TLR6: variants seen among roughly 807,000 people sequenced by gnomAD.
TLR6 encodes toll-like receptor 6.
TLR6 carries 9 observed loss-of-function variants against 16.1 expected under a neutral mutation model. The ratio of observed to expected loss-of-function variants is 0.56; its 90% CI spans 0.34 to 0.98. The LOEUF (loss-of-function observed/expected upper bound fraction) is 0.98. Ranked by LOEUF, TLR6 falls within the 50% of genes least tolerant of loss-of-function variation. The probability of loss-of-function intolerance (pLI) is 0.02; values close to 1 mark genes in which losing one functional copy is unlikely to be tolerated. For missense variants in TLR6, 786 were observed against 921.0 expected, an observed-to-expected ratio of 0.85 and a Z score of 1.90; for synonymous variants, 340 against 338.6, an observed-to-expected ratio of 1.00 and a Z score of -0.04.
At chr4:38,823,931 G>A (rs12650224) in exon 2 of TLR6, 19,501 of 152,344 alleles carry the variant, frequency 0.13, 2,331 homozygotes, top group African/African-American at 0.29. Flanking sequence ...ACCTGGAGCC[G>A]GGTCGCCCCA....
exon 2 of TLR6, chr4:38,828,435 G>A (rs1252142140): frequency 5.6e-6 from 9 of 1,614,064 alleles, no homozygotes; most frequent in Non-Finnish European, 7.6e-6. Flanking sequence ...TGAGGACACA[G>A]CATGTGTATA....
intron 1 of TLR6, among the ~76,000 whole-genome samples, chr4:38,834,010 T>C (rs1489498491): frequency 1.3e-5 from 2 of 151,322 alleles, no homozygotes; most frequent in African/African-American, 2.4e-5. Flanking sequence ...GTGGATCTCC[T>C]GAGGTCAGGA....
chr4:38,831,293 CA>C (rs59585432), intron 1 of TLR6, among the ~76,000 whole-genome samples: 173 of 140,408 alleles, frequency 1.2e-3, no homozygotes, highest in Middle Eastern at 3.6e-3. Flanking sequence ...CCTCCACATG[CA>C]AAAAAAAAAA....
chr4:38,832,747 T>A (rs1711676432), intron 1 of TLR6, among the ~76,000 whole-genome samples: 1 of 151,978 alleles, frequency 6.6e-6, no homozygotes, highest in South Asian at 2.1e-4. Flanking sequence ...AGATCAGCAG[T>A]GCAGCTAGGT....
chr4:38,860,681 C>A (rs765693769), upstream of TLR6, among the ~76,000 whole-genome samples: 6 of 151,984 alleles, frequency 3.9e-5, no homozygotes, highest in Admixed American at 6.6e-5. Context: ...GGGAAATGAG[C>A]AAAGGAGATC....
chr4:38,847,675 C>T (rs924938855), intron 1 of TLR6, among the ~76,000 whole-genome samples: 5 of 152,228 alleles, frequency 3.3e-5, no homozygotes, highest in Non-Finnish European at 5.9e-5. Flanking sequence ...CCCACGGAGC[C>T]TCGCTCATTG....
At chr4:38,833,835 C>T (rs2109425396) in intron 1 of TLR6, among the ~76,000 whole-genome samples, 1 of 151,898 alleles carries the variant, frequency 6.6e-6, no homozygotes, top group Non-Finnish European at 1.5e-5. Context: ...GTCAGAAATT[C>T]AACAAAGAAA....
chr4:38,856,455 C>T (rs7691002), intron 1 of TLR6, among the ~76,000 whole-genome samples: 32,489 of 151,998 alleles, frequency 0.21, 4,199 homozygotes, highest in Non-Finnish European at 0.28. Flanking sequence ...TAGAGAAAGA[C>T]GAAAAGAGAA....
chr4:38,829,497 G>T (rs769382683), exon 2 of TLR6: 2 of 1,469,872 alleles, frequency 1.4e-6, no homozygotes, highest in Non-Finnish European at 9.4e-7. Context: ...CTATCCTAAA[G>T]GGTTGTTCTT....
exon 2 of TLR6, chr4:38,828,373 A>G (rs140686544): frequency 8.7e-5 from 141 of 1,613,110 alleles, no homozygotes; most frequent in Non-Finnish European, 1.2e-4. Flanking sequence ...CAAAAATACT[A>G]TCTGTGAAAA....
rs536351062 is a variant in TLR6, at chr4:38,847,855, G to C, written c.-65+8906C>G. Among the ~76,000 whole-genome samples, 12 of 152,340 alleles carry C rather than the reference G, an allele frequency of 7.9e-5. No homozygotes were observed. The South Asian group carries it at 2.5e-3, about 32-fold the overall frequency. On this transcript the variant is annotated intron_variant, in intron 1 of 1. Coordinates refer to ENST00000436693, the Ensembl canonical transcript of TLR6. Reference sequence around the variant, plus strand: ...CTGCCTCTGTAGACTCCACCTCTGGGGGCAGGGCATAGCCCAACAAAAGGC... The same window carrying C: ...CTGCCTCTGTAGACTCCACCTCTGGCGGCAGGGCATAGCCCAACAAAAGGC...
the TLR6 span, among the ~76,000 whole-genome samples, chr4:38,866,299 C>T: frequency 3.3e-5 from 5 of 150,986 alleles, no homozygotes; most frequent in African/African-American, 1.2e-4. Context: ...CGAGACCAGC[C>T]TGGCCAACAT....
rs140219564 is a variant in TLR6, at chr4:38,837,965, C to T, written c.-64-8428G>A. On this transcript the variant is annotated intron_variant, in intron 1 of 1. Transcript: ENST00000436693. ...TGAATAGACATTTCTCAAAAGAAGA[C>T]GTACAAATGGCCAAGAGTTATATGA... Among the ~76,000 whole-genome samples the T allele has an allele frequency of 5.3e-5, 8 of 152,090 alleles. No homozygotes were observed. In the East Asian group the frequency reaches 5.8e-4, roughly 11 times the overall value.
chr4:38,858,935 T>G (rs1190428750), upstream of TLR6, among the ~76,000 whole-genome samples: 1 of 151,716 alleles, frequency 6.6e-6, no homozygotes, highest in East Asian at 1.9e-4. Flanking sequence ...GGTGCAGAAC[T>G]GTAAGAAGAG....
chr4:38,847,570 G>C (rs1440802166), intron 1 of TLR6, among the ~76,000 whole-genome samples: 1 of 152,146 alleles, frequency 6.6e-6, no homozygotes, highest in Non-Finnish European at 1.5e-5. Context: ...CTGGAAAATT[G>C]GGTCACTCCC....
At chr4:38,850,880 T>G (rs1159013315) in intron 1 of TLR6, among the ~76,000 whole-genome samples, 3 of 152,206 alleles carry the variant, frequency 2.0e-5, no homozygotes. Context: ...ACTCATTTTA[T>G]GAGGCCAGCA....
chr4:38,827,686 C>A (rs1000929520), exon 2 of TLR6: 78 of 1,614,106 alleles, frequency 4.8e-5, no homozygotes, highest in Non-Finnish European at 6.4e-5. Context: ...CAGCCAACAC[C>A]AGCATGGTGG....
chr4:38,850,241 G>A (rs979858080), intron 1 of TLR6, among the ~76,000 whole-genome samples: 9 of 152,286 alleles, frequency 5.9e-5, no homozygotes, highest in African/African-American at 2.2e-4. Context: ...TGTGTAGAGG[G>A]AAATTTATAG....
chr4:38,831,755 C>T (rs1430344725), intron 1 of TLR6, among the ~76,000 whole-genome samples: 1 of 152,192 alleles, frequency 6.6e-6, no homozygotes, highest in East Asian at 1.9e-4. Context: ...TACACATATA[C>T]ATAGCTATTT....
Sources: gnomAD v4.1 joint callset for allele counts (sites outside exome capture counted in the v4.1 genomes callset) on GRCh38, gnomAD v4.1.1 for gene constraint, MANE v1.5 for transcripts, NCBI Gene and HGNC (gene_info 2026-07-23, HGNC 2026-07-21) for gene names.